The following PLEC variants were observed in gnomAD, a reference collection of about 807,000 sequenced individuals.
The protein encoded by PLEC is hemidesmosomal protein 1.
In PLEC, 216 loss-of-function variants were observed where a neutral mutation model predicts 392.8. The observed-to-expected ratio is 0.55, with a 90% CI of 0.49 to 0.62. PLEC has a LOEUF of 0.62. Among genes scored for constraint, PLEC ranks in the 20% least tolerant of loss-of-function variants. PLEC has a pLI of 0.00. For missense variants in PLEC, 6,863 were observed against 6,563.4 expected (o/e 1.05, Z -1.58); for synonymous variants, 3,621 against 2,980.6 (o/e 1.21, Z -7.00).
Position 143,931,533 on chromosome 8 carries a change from C to T in PLEC, c.2304+1G>A, listed in dbSNP as rs1554715256. On this transcript the variant is annotated splice_donor_variant, in intron 19 of 31. Transcript: ENST00000345136. LOFTEE classifies it high-confidence loss of function. ...ACGCCCCTGCACACCCCCTCCCTCA[C>T]CTGGGCATCCTGCAGCAGGTCCTCC... 1 of 1,587,250 alleles carries T rather than the reference C, an allele frequency of 6.3e-7. No individual in the cohort carries two copies. The highest frequency in any genetic ancestry group is 8.6e-7 in the Non-Finnish European group (1 of 1,166,960).
chr8:143,958,633 C>A (rs1228284938), upstream of PLEC: 28 of 451,102 alleles, frequency 6.2e-5, no homozygotes, highest in Non-Finnish European at 1.3e-5. This position sits in a 1 kb window ranked among gnomAD's most constrained non-coding sequence, Gnocchi z 4.9. Context: ...GCTCTCCGAG[C>A]ACAAGCAGGT....
rs372832025 is a variant in PLEC at position 143,922,942 on chromosome 8, C to T, written c.6987G>A (p.Ala2329=). The T allele has an allele frequency of 2.1e-5, 33 of 1,607,394 alleles. No homozygotes were observed. Among genetic ancestry groups the T allele is most frequent in the African/African-American group, 1.7e-4 (13 of 74,820 alleles). ...VQEATRLKAE[A]ELLQQQKELA... Reference sequence around the variant, plus strand: ...GCTCCTTCTGCTGCTGCAGCAGTTCCGCCTCAGCCTTGAGTCGCGTGGCCT... The same window carrying T: ...GCTCCTTCTGCTGCTGCAGCAGTTCTGCCTCAGCCTTGAGTCGCGTGGCCT... Residue 2329 remains alanine (A), a synonymous_variant, in exon 31 of 32, where the codon GCG becomes GCA. Coordinates refer to ENST00000345136, the MANE Select transcript of PLEC (RefSeq NM_201384.3).
chr8:143,959,293 A>G (rs1341779682), intron 1 of PLEC, among the ~76,000 whole-genome samples: 2 of 152,270 alleles, frequency 1.3e-5, no homozygotes, highest in Admixed American at 1.3e-4. Context: ...AACGCAGTTA[A>G]AAGACCCGAG....
At chr8:143,950,062 T>C (rs187377628) in intron 1 of PLEC, 3 of 1,290,074 alleles carry the variant, frequency 2.3e-6, no homozygotes, top group Non-Finnish European at 3.1e-6. Flanking sequence ...CCTGCTGGTG[T>C]GAGCGACGCT....
chr8:143,950,179 CT>C, intron 1 of PLEC: 2 of 1,511,352 alleles, frequency 1.3e-6, no homozygotes, highest in East Asian at 4.9e-5. Context: ...CAGGGTGCAG[CT>C]GACCTGTGGC....
intron 19 of PLEC, among the ~76,000 whole-genome samples, chr8:143,931,136 G>A (rs1554714709): frequency 6.6e-6 from 1 of 152,134 alleles, no homozygotes; most frequent in East Asian, 1.9e-4. Context: ...TATAGCACAA[G>A]GGCTGGCGGT....
intron 4 of PLEC, 37 bp from the exon 5 acceptor site, chr8:143,937,108 C>CG: frequency 6.2e-7 from 1 of 1,608,426 alleles, no homozygotes; most frequent in Admixed American, 1.7e-5. Context: ...GCCCACAGGG[C>CG]GGGGCTGGCT....
upstream of PLEC, chr8:143,958,799 G>A (rs1564223203): frequency 3.1e-6 from 1 of 317,902 alleles, no homozygotes; most frequent in Non-Finnish European, 6.7e-6. This position sits in a 1 kb window ranked among gnomAD's most constrained non-coding sequence, Gnocchi z 4.9. Flanking sequence ...CCAACACCGA[G>A]ACACCTGTGG....
chr8:143,942,581 C>T (rs1830703103), upstream of PLEC: 2 of 1,477,558 alleles, frequency 1.4e-6, no homozygotes, highest in South Asian at 1.3e-5. Context: ...GCGGCGGCGC[C>T]TCTGCTTCCA....
Position 143,925,811 on chromosome 8 carries a change from C to T in PLEC, c.4118G>A (p.Arg1373Gln), listed in dbSNP as rs782128071. The change falls in exon 31 of 32, where the codon CGG becomes CAG. Residue 1373 changes from arginine to glutamine, a missense_variant. Physicochemically the swap from Arg to Gln is conservative, Grantham distance 43. Transcript: ENST00000345136. ...CTGGGCGTGCGCCTCGGCCAGCTGC[C>T]GCTGCTTCTCCAGCGCGGCCTCCAC... ...AEVEAALEKQ[R>Q]QLAEAHAQAK... is the part of the protein sequence containing the mutation. 6.3e-5 allele frequency: 98 copies of T among 1,566,908 alleles called. No homozygotes were observed. The highest frequency in any genetic ancestry group is 7.6e-5 in the Non-Finnish European group (88 of 1,164,008).
At position 143,927,665 on chromosome 8, in the gene PLEC, G is replaced by A. The variant is rs782038506; in HGVS notation, c.3501C>T (p.His1167=). ...GCTCCACCTCCACGTCCCGCTCCCCGTGCCGCTGCTGCAGTCGCTCCCCCA... is the reference window on the plus strand; with the variant it reads ...GCTCCACCTCCACGTCCCGCTCCCCATGCCGCTGCTGCAGTCGCTCCCCCA... ...QEVGERLQQR[H]GERDVEVERW... The change falls in exon 27 of 32, where the codon CAC becomes CAT. Residue 1167 remains histidine (H), a synonymous_variant. Coordinates refer to ENST00000345136, the MANE Select transcript of PLEC (RefSeq NM_201384.3). 6.0e-5 allele frequency: 95 copies of A among 1,581,050 alleles called. No homozygotes were observed. In the Admixed American group the frequency reaches 1.0e-3, roughly 17 times the overall value.
rs797044720 is a variant in PLEC, at chr8:143,917,084, C to T, written c.12737G>A (p.Arg4246His). ...GGAGGAGGATCCCACCGAGGAGGAACGGGAGCGGAAACCACCGGCGTTGCC... is the reference window on the plus strand; with the variant it reads ...GGAGGAGGATCCCACCGAGGAGGAATGGGAGCGGAAACCACCGGCGTTGCC... Reference protein sequence around the residue: ...LSGNAGGFRSRSSSVGSSSSY... With the variant: ...LSGNAGGFRSHSSSVGSSSSY... Residue 4246 changes from arginine to histidine, a missense_variant, in exon 32 of 32, where the codon CGT becomes CAT. Arg to His is a conservative substitution (Grantham distance 29). Coordinates refer to ENST00000345136, the MANE Select transcript of PLEC (RefSeq NM_201384.3). 2.4e-5 allele frequency: 38 copies of T among 1,606,582 alleles called. No individual in the cohort carries two copies. The highest frequency in any genetic ancestry group is 8.3e-5 in the Admixed American group (5 of 59,884).
In PLEC at chr8:143,920,481, C is replaced by A; in HGVS notation, c.9340G>T (p.Val3114Phe). The A allele has an allele frequency of 6.2e-7, 1 of 1,605,628 alleles. No individual in the cohort carries two copies. ...TTCTTCAGGGCCTGGAACAGGGAGA[C>A]GCTCTGCCCTGTGTAGGGGTCCCTG... ...GYRDPYTGQS[V>F]SLFQALKKGL... Residue 3114 changes from valine to phenylalanine, a missense_variant, in exon 32 of 32, where the codon GTC becomes TTC. Physicochemically the swap from Val to Phe is conservative, Grantham distance 50 (BLOSUM62 -1). Transcript: ENST00000345136.
In PLEC at chr8:143,927,668, C is replaced by T. The variant is rs782154121; in HGVS notation, c.3498G>A (p.Arg1166=). ...AQEVGERLQQ[R]HGERDVEVER... is the part of the protein sequence containing the mutation. ...CCACCTCCACGTCCCGCTCCCCGTG[C>T]CGCTGCTGCAGTCGCTCCCCCACCT... The change falls in exon 27 of 32, where the codon CGG becomes CGA. Residue 1166 remains arginine (R), a synonymous_variant. Transcript: ENST00000345136. 15 of 1,581,214 alleles carry T rather than the reference C, an allele frequency of 9.5e-6. No homozygotes were observed. Among genetic ancestry groups the T allele is most frequent in the East Asian group, 6.9e-5 (3 of 43,320 alleles).
upstream of PLEC, chr8:143,944,094 G>C: frequency 2.9e-6 from 2 of 681,956 alleles, no homozygotes; most frequent in South Asian, 3.9e-5. Flanking sequence ...CCGCGGGTCC[G>C]GCCCTCGGCG....
chr8:143,974,842 A>T (rs1263509003), upstream of PLEC, among the ~76,000 whole-genome samples: 1 of 152,160 alleles, frequency 6.6e-6, no homozygotes, highest in Non-Finnish European at 1.5e-5. This position sits in a 1 kb window ranked among gnomAD's most constrained non-coding sequence, Gnocchi z 5.9. Context: ...GCTCCTGTAC[A>T]TTCCCACCTG....
upstream of PLEC, among the ~76,000 whole-genome samples, chr8:143,944,150 G>A (rs528591383): frequency 3.3e-5 from 5 of 151,722 alleles, no homozygotes; most frequent in South Asian, 2.1e-4. Flanking sequence ...CTGTCCCTGC[G>A]CAGGGCTACT....
rs534077706 is a variant in PLEC at position 143,969,506 on chromosome 8, T to A, written c.70+3897A>T. Among the ~76,000 whole-genome samples, 1 of 152,182 alleles carries A rather than the reference T, an allele frequency of 6.6e-6. No homozygotes were observed. The highest frequency in any genetic ancestry group is 1.5e-5 in the Non-Finnish European group (1 of 68,012). ...CCCAAGCCTGGCCTGTGACAGCTCA[T>A]AGAGGCTGGGCCGTCCTGCCACACC... On this transcript the variant is annotated intron_variant, in intron 1 of 31. Coordinates refer to the PLEC transcript ENST00000356346. The surrounding 1 kb of genome is among the most constrained non-coding windows in gnomAD (Gnocchi z 5.1).
Position 143,925,315 on chromosome 8 carries a change from C to T in PLEC, c.4614G>A (p.Leu1538=). Residue 1538 remains leucine, a synonymous_variant, in exon 31 of 32, where the codon CTG becomes CTA. Coordinates refer to ENST00000345136, the MANE Select transcript of PLEC (RefSeq NM_201384.3). ...AREKQRALQA[L]EELRLQAEEA... is the part of the protein sequence containing the mutation. The stretch of plus-strand genomic sequence containing the variant: ...CCTCCGCCTGCAGCCGCAGCTCCTC[C>T]AGGGCCTGCAGGGCCCGCTGCTTCT... 6.4e-7 allele frequency: 1 copy of T among 1,563,692 alleles called. No individual in the cohort carries two copies. The highest frequency in any genetic ancestry group is 8.6e-7 in the Non-Finnish European group (1 of 1,162,952).
Sources: gnomAD v4.1 joint callset for allele counts (sites outside exome capture counted in the v4.1 genomes callset) on GRCh38, gnomAD v4.1.1 for gene constraint, Gnocchi (gnomAD v3.1) non-coding constraint, MANE v1.5 for transcripts, NCBI Gene and HGNC (gene_info 2026-07-23, HGNC 2026-07-21) for gene names.